The following SYN3 variants were observed in gnomAD, a reference collection of about 807,000 sequenced individuals.
SYN3 encodes the protein synapsin-3.
In SYN3, 35 loss-of-function variants were observed where a neutral mutation model predicts 65.8. That is an observed-to-expected ratio of 0.53 (90% CI 0.41 to 0.70). SYN3 has a LOEUF of 0.70. Among genes scored for constraint, SYN3 ranks in the 30% least tolerant of loss-of-function variants. The pLI is 0.00. For synonymous variants in SYN3, 270 were observed against 292.9 expected (o/e 0.92, Z 0.80); for missense variants, 680 against 749.0 (o/e 0.91, Z 1.08).
At chr22:32,616,434 G>A (rs779449592) in intron 6 of SYN3, among the ~76,000 whole-genome samples, 1 of 152,180 alleles carries the variant, frequency 6.6e-6, no homozygotes, top group Admixed American at 6.5e-5. Flanking sequence ...GGTGATGAAG[G>A]TCACAATTGT....
intron 6 of SYN3, among the ~76,000 whole-genome samples, chr22:32,622,103 G>T (rs1344125537): frequency 6.6e-6 from 1 of 152,042 alleles, no homozygotes; most frequent in African/African-American, 2.4e-5. Flanking sequence ...TTTGCTTACA[G>T]TCCGCACAGC....
At chr22:32,569,950 T>C (rs117714650) in intron 7 of SYN3, among the ~76,000 whole-genome samples, 473 of 152,330 alleles carry the variant, frequency 3.1e-3, no homozygotes, top group Admixed American at 4.6e-3. Flanking sequence ...CCAGGATACA[T>C]TAATAGCATT....
chr22:32,888,338 A>G (rs1224357526), intron 4 of SYN3, among the ~76,000 whole-genome samples: 1 of 152,070 alleles, frequency 6.6e-6, no homozygotes, highest in East Asian at 1.9e-4. Flanking sequence ...GTTCTAACTC[A>G]TGTTCTCTTG....
chr22:32,535,448 T>C (rs2058148250), intron 9 of SYN3, among the ~76,000 whole-genome samples: 1 of 152,222 alleles, frequency 6.6e-6, no homozygotes, highest in Non-Finnish European at 1.5e-5. Flanking sequence ...CATGTGATTC[T>C]GATACGTGGC....
intron 6 of SYN3, among the ~76,000 whole-genome samples, chr22:32,858,851 A>G (rs2048453435): frequency 6.6e-6 from 1 of 152,100 alleles, no homozygotes; most frequent in South Asian, 2.1e-4. Context: ...CCCTAAAACA[A>G]CTGAGATCTC....
intron 6 of SYN3, among the ~76,000 whole-genome samples, chr22:32,758,215 G>A (rs2045351788): frequency 6.6e-6 from 1 of 152,116 alleles, no homozygotes; most frequent in South Asian, 2.1e-4. Flanking sequence ...TATTATGTTA[G>A]GCATAATTAT....
Position 32,747,440 on chromosome 22 carries a change from C to T in SYN3, c.711+117475G>A, listed in dbSNP as rs77484117. Among the ~76,000 whole-genome samples, 492 of 152,268 alleles carry T rather than the reference C, an allele frequency of 3.2e-3. 1 individual carries two copies. Among genetic ancestry groups the T allele is most frequent in the African/African-American group, 0.011 (457 of 41,552 alleles). ...TCATCCCATCAATATTTAAAAATTA[C>T]CACAATTGGGGCTGCTATTGATGGG... On this transcript the variant is annotated intron_variant, in intron 6 of 13. Coordinates refer to ENST00000358763, the MANE Select transcript of SYN3 (RefSeq NM_003490.4).
At chr22:32,855,842 T>C (rs972365246) in intron 6 of SYN3, among the ~76,000 whole-genome samples, 1 of 152,230 alleles carries the variant, frequency 6.6e-6, no homozygotes, top group African/African-American at 2.4e-5. Flanking sequence ...TATTAGATTA[T>C]GTCGTAGATA....
intron 6 of SYN3, among the ~76,000 whole-genome samples, chr22:32,754,457 C>A (rs5998615): frequency 0.15 from 21,530 of 140,166 alleles, 1,831 homozygotes; most frequent in East Asian, 0.4. Flanking sequence ...TGGCCTCTTT[C>A]TTTTAAAAAA....
intron 6 of SYN3, among the ~76,000 whole-genome samples, chr22:32,840,012 TCCAGGACAGGGCATCC>T (rs2047847483): frequency 6.6e-6 from 1 of 151,330 alleles, no homozygotes; most frequent in Admixed American, 6.6e-5. Context: ...CCCCGGGAGG[TCCAGGACAGGGCATCC>T]CCAGGACAGA....
intron 6 of SYN3, among the ~76,000 whole-genome samples, chr22:32,619,697 C>A (rs1466409428): frequency 6.6e-6 from 1 of 152,188 alleles, no homozygotes; most frequent in African/African-American, 2.4e-5. Context: ...TTCCTTCCAC[C>A]AAGAGAAGGC....
intron 3 of SYN3, among the ~76,000 whole-genome samples, chr22:32,950,676 C>T (rs751689683): frequency 6.6e-5 from 10 of 152,086 alleles, no homozygotes; most frequent in South Asian, 2.1e-4. Flanking sequence ...TAGTAACATC[C>T]GCAGATGAGG....
At chr22:32,972,661 G>A (rs906554329) in intron 3 of SYN3, among the ~76,000 whole-genome samples, 1 of 152,144 alleles carries the variant, frequency 6.6e-6, no homozygotes, top group Admixed American at 6.6e-5. Context: ...AACTATAGCA[G>A]TTTGAACAAG....
intron 6 of SYN3, among the ~76,000 whole-genome samples, chr22:32,783,566 G>C (rs1038105872): frequency 6.6e-6 from 1 of 152,112 alleles, no homozygotes; most frequent in South Asian, 2.1e-4. Flanking sequence ...GATTTAAGGG[G>C]GCTTAGAGGA....
chr22:32,579,746 G>A (rs2058909038), intron 7 of SYN3, among the ~76,000 whole-genome samples: 1 of 152,174 alleles, frequency 6.6e-6, no homozygotes. Flanking sequence ...AGAAGGGGTG[G>A]TGGGAAGGTG....
At chr22:32,996,402 C>T (rs891745738) in intron 2 of SYN3, among the ~76,000 whole-genome samples, 37 of 152,176 alleles carry the variant, frequency 2.4e-4, no homozygotes, top group Non-Finnish European at 7.3e-5. Context: ...CACTTCATAA[C>T]ATCCCTGTGA....
chr22:32,982,863 C>T (rs907623906), intron 2 of SYN3, among the ~76,000 whole-genome samples: 2 of 152,114 alleles, frequency 1.3e-5, no homozygotes, highest in African/African-American at 4.8e-5. Context: ...ACAACCACCA[C>T]CACGAAGTAG....
At chr22:32,834,135 T>C (rs2047660301) in intron 6 of SYN3, among the ~76,000 whole-genome samples, 1 of 151,992 alleles carries the variant, frequency 6.6e-6, no homozygotes, top group Non-Finnish European at 1.5e-5. Context: ...GGAGGTGTGC[T>C]TCAGGGACTA....
At chr22:32,749,886 G>T (rs1219603112) in intron 6 of SYN3, among the ~76,000 whole-genome samples, 1 of 152,222 alleles carries the variant, frequency 6.6e-6, no homozygotes, top group Non-Finnish European at 1.5e-5. Flanking sequence ...GGATGGTAAT[G>T]AGTCAGGGCT....
Sources: allele counts gnomAD v4.1 joint callset (sites outside exome capture counted in the v4.1 genomes callset), GRCh38; gene constraint gnomAD v4.1.1; transcripts MANE v1.5; gene names NCBI Gene and HGNC (gene_info 2026-07-23, HGNC 2026-07-21).